The following MOCS1 variants were observed in gnomAD, a reference collection of about 807,000 sequenced individuals.
The protein encoded by MOCS1 is molybdenum cofactor biosynthesis protein 1.
MOCS1 carries 39 observed loss-of-function variants against 57.6 expected under a neutral mutation model. That is an observed-to-expected ratio of 0.68 (90% CI 0.52 to 0.88). MOCS1 has a LOEUF of 0.88. Ranked by LOEUF, MOCS1 falls within the 40% of genes least tolerant of loss-of-function variation. The pLI, the probability that MOCS1 is intolerant of heterozygous loss-of-function variation, is 0.00. For missense variants in MOCS1, 795 were observed against 831.1 expected (o/e 0.96, Z 0.53); for synonymous variants, 334 against 335.7 (o/e 1.00, Z 0.05).
Position 39,927,346 on chromosome 6 carries a change from T to C in MOCS1, c.233A>G (p.Glu78Gly). Reference sequence around the variant, plus strand: ...TGACTCACATCTGAGGTTGCACTTCTCTGTGAGGGAGATCCGCAGGTAGCT... The same window carrying C: ...TGACTCACATCTGAGGTTGCACTTCCCTGTGAGGGAGATCCGCAGGTAGCT... ...QHSYLRISLT[E>G]KCNLRCQYCM... The change falls in exon 2 of 11, where the codon GAG becomes GGG. Residue 78 changes from glutamate (E) to glycine (G), a missense_variant. Glu to Gly is a moderately conservative substitution (Grantham distance 98, BLOSUM62 -2). Transcript: ENST00000340692. 2 of 1,611,520 alleles carry C rather than the reference T, an allele frequency of 1.2e-6. No homozygotes were observed. The highest frequency in any genetic ancestry group is 1.7e-6 in the Non-Finnish European group (2 of 1,179,026).
In MOCS1 at chr6:39,925,819, C is replaced by T. The variant is rs1314629193; in HGVS notation, c.277G>A (p.Val93Ile). The change falls in exon 3 of 11, where the codon GTC becomes ATC. Residue 93 changes from valine (V) to isoleucine (I), a missense_variant. This residue lies in a region of MOCS1 where 416 missense variants were observed against 392.4 expected (regional missense o/e 1.06). Coordinates refer to ENST00000340692, the MANE Select transcript of MOCS1 (RefSeq NM_001358530.2). ...RCQYCMPEEG[V>I]PLTPKANLLT... ...AGGTTGGCTTTGGGGGTCAGCGGGA[C>T]CCCCTCCTCGGGCATGCAGTACTGA... 8 of 1,612,424 alleles carry T rather than the reference C, an allele frequency of 5.0e-6. No homozygotes were observed. Among genetic ancestry groups the T allele is most frequent in the South Asian group, 2.2e-5 (2 of 91,058 alleles).
At chr6:39,929,865 C>T (rs1456543057) in intron 1 of MOCS1, among the ~76,000 whole-genome samples, 2 of 148,654 alleles carry the variant, frequency 1.3e-5, no homozygotes, top group South Asian at 2.1e-4. Context: ...TCGCTTGAAC[C>T]CAGAAGGCAG....
intron 1 of MOCS1, among the ~76,000 whole-genome samples, chr6:39,932,806 TATACGTTAAC>T (rs1768708816): frequency 6.6e-6 from 1 of 152,254 alleles, no homozygotes; most frequent in Admixed American, 6.5e-5. Context: ...GTTCTAAGTA[TATACGTTAAC>T]ATACGTTAAC....
chr6:39,913,657 G>T, intron 5 of MOCS1, 117 bp downstream of exon 5: 2 of 1,209,168 alleles, frequency 1.7e-6, no homozygotes, highest in Non-Finnish European at 2.5e-6. Context: ...AAGGGTGCAC[G>T]TACTTCAGCC....
At chr6:39,923,115 C>A (rs1768069564) in intron 3 of MOCS1, among the ~76,000 whole-genome samples, 1 of 152,146 alleles carries the variant, frequency 6.6e-6, no homozygotes, top group Non-Finnish European at 1.5e-5. Context: ...AGGTGTTTCA[C>A]CCACCCCCAC....
rs756465967 is a variant in MOCS1 at position 39,913,466 on chromosome 6, C to G, written c.646-38G>C. ...CAATGGGACCATGAGGGCTGTGCCCCCTGCATTCTTTTGTGGAGATGACCC... is the reference window on the plus strand; with the variant it reads ...CAATGGGACCATGAGGGCTGTGCCCGCTGCATTCTTTTGTGGAGATGACCC... On this transcript the variant is annotated intron_variant, in intron 5 of 10. Transcript: ENST00000340692. 2.5e-6 allele frequency: 4 copies of G among 1,576,870 alleles called. No individual in the cohort carries two copies. The South Asian group carries it at 4.4e-5, about 18-fold the overall frequency.
chr6:39,908,963 T>C, intron 10 of MOCS1, 92 bp downstream of exon 10: 1 of 1,035,252 alleles, frequency 9.7e-7, no homozygotes, highest in Non-Finnish European at 1.5e-6. Flanking sequence ...CAGCATGAAA[T>C]GCAGGAGCTG....
chr6:39,927,578 T>A, intron 1 of MOCS1, 123 bp from the exon 2 acceptor site: 1 of 1,608,524 alleles, frequency 6.2e-7, no homozygotes, highest in Non-Finnish European at 8.5e-7. Flanking sequence ...CTCTTCCACA[T>A]GTTTGGGCTC....
intron 6 of MOCS1, 69 bp from the exon 7 acceptor site, chr6:39,913,073 A>T (rs938590623): frequency 4.8e-6 from 6 of 1,240,704 alleles, no homozygotes; most frequent in African/African-American, 4.4e-5. Flanking sequence ...GGGGTCTTTG[A>T]GTCCATCCCC....
At chr6:39,916,352 AC>A (rs1767662450) in intron 3 of MOCS1, 120 bp from the exon 4 acceptor site, 1 of 1,154,994 alleles carries the variant, frequency 8.7e-7, no homozygotes, top group African/African-American at 1.5e-5. Flanking sequence ...CTCTCTGCAG[AC>A]CTATATTAAC....
In MOCS1 at chr6:39,925,512, T is replaced by G. The variant is rs1768225640; in HGVS notation, c.418+166A>C. 2.0e-5 allele frequency among the ~76,000 whole-genome samples: 3 copies of G among 152,194 alleles called. No homozygotes were observed. In the South Asian group the frequency reaches 6.2e-4, roughly 31 times the overall value. ...GTTATCCAACCTAAGCCTCATTTTC[T>G]CATCAAAAATGGAAATAATAATAGC... On this transcript the variant is annotated intron_variant, in intron 3 of 10. Transcript: ENST00000340692.
intron 3 of MOCS1, among the ~76,000 whole-genome samples, chr6:39,917,258 C>A (rs1469917062): frequency 6.6e-6 from 1 of 152,192 alleles, no homozygotes; most frequent in Non-Finnish European, 1.5e-5. Context: ...TCCTTCTTCA[C>A]ATGGCAGCAG....
At position 39,905,165 on chromosome 6, in the gene MOCS1, C is replaced by T. The variant is rs907670070; in HGVS notation, c.*1192G>A. On this transcript the variant is annotated 3_prime_UTR_variant, in exon 11 of 11. Transcript: ENST00000340692. Reference sequence around the variant, plus strand: ...CTCAAAGACATCCAAGTTAGAGAGCCCAGCAGGCCAGAACTGTGTGTGTTT... The same window carrying T: ...CTCAAAGACATCCAAGTTAGAGAGCTCAGCAGGCCAGAACTGTGTGTGTTT... The T allele has an allele frequency of 1.5e-5, 7 of 454,122 alleles. No individual in the cohort carries two copies. The highest frequency in any genetic ancestry group is 7.8e-5 in the South Asian group (5 of 64,478). The allele number at this position is 454,122 out of a possible 1,614,324, so 28.1% of individuals were successfully genotyped here.
intron 3 of MOCS1, among the ~76,000 whole-genome samples, chr6:39,920,920 A>C (rs1767927761): frequency 6.7e-6 from 1 of 149,450 alleles, no homozygotes; most frequent in African/African-American, 2.5e-5. Context: ...TTGAGGCTGC[A>C]GTGAGCTGTC....
intron 1 of MOCS1, among the ~76,000 whole-genome samples, chr6:39,927,884 G>A (rs890367136): frequency 4.6e-5 from 7 of 151,776 alleles, no homozygotes; most frequent in Admixed American, 4.6e-4. Flanking sequence ...GAGAAAGGAG[G>A]GAGCCGGCTT....
intron 3 of MOCS1, among the ~76,000 whole-genome samples, chr6:39,921,571 G>A (rs900609933): frequency 2.6e-5 from 4 of 152,000 alleles, no homozygotes; most frequent in African/African-American, 4.8e-5. Flanking sequence ...TATGCAACTG[G>A]AGCCCACCAA....
rs759069147 is a variant in MOCS1, at chr6:39,906,603, G to A, written c.1665C>T (p.His555=). Residue 555 remains histidine (H), a synonymous_variant, in exon 11 of 11, where the codon CAC becomes CAT. Coordinates refer to ENST00000340692, the MANE Select transcript of MOCS1 (RefSeq NM_001358530.2). The part of the protein sequence containing the change: ...KVTSQLIPLC[H]HVALSHIQVQ... ...CCTGGATGTGGCTCAGGGCCACGTGGTGGCACAGAGGGATCAGCTGGCTGG... is the reference window on the plus strand; with the variant it reads ...CCTGGATGTGGCTCAGGGCCACGTGATGGCACAGAGGGATCAGCTGGCTGG... 6 of 1,613,804 alleles carry A rather than the reference G, an allele frequency of 3.7e-6. No homozygotes were observed. In the Admixed American group the frequency reaches 6.7e-5, roughly 18 times the overall value.
intron 3 of MOCS1, among the ~76,000 whole-genome samples, chr6:39,924,329 C>A (rs1768147473): frequency 6.6e-6 from 1 of 152,230 alleles, no homozygotes; most frequent in Admixed American, 6.5e-5. Context: ...AGTCTCCATT[C>A]ATTCAGCGAA....
chr6:39,919,865 A>T (rs1767868005), intron 3 of MOCS1, among the ~76,000 whole-genome samples: 1 of 152,206 alleles, frequency 6.6e-6, no homozygotes, highest in Non-Finnish European at 1.5e-5. Flanking sequence ...CAAATTTAAA[A>T]TTTTTTGTGA....
Sources: gnomAD v4.1 joint callset for allele counts (sites outside exome capture counted in the v4.1 genomes callset) on GRCh38, gnomAD v4.1.1 for gene constraint, gnomAD v4.1.1 regional missense constraint, MANE v1.5 for transcripts, NCBI Gene and HGNC (gene_info 2026-07-23, HGNC 2026-07-21) for gene names.